The following NCALD variants were observed in gnomAD, a reference collection of about 807,000 sequenced individuals.
NCALD encodes the protein neurocalcin delta.
Under a neutral mutation model 18.6 loss-of-function variants are expected in NCALD, and 10 were observed. The observed-to-expected ratio is 0.54, with a 90% CI of 0.33 to 0.91. NCALD has a LOEUF of 0.91. Among genes scored for constraint, NCALD ranks in the 40% least tolerant of loss-of-function variants. The probability of loss-of-function intolerance (pLI) is 0.03; values close to 1 mark genes in which losing one functional copy is unlikely to be tolerated. For missense variants in NCALD, 184 were observed against 247.6 expected (o/e 0.74, Z 1.72); for synonymous variants, 88 against 87.4 (o/e 1.01, Z -0.04).
chr8:101,768,792 T>C (rs1563749906), intron 1 of NCALD, among the ~76,000 whole-genome samples: 1 of 152,150 alleles, frequency 6.6e-6, no homozygotes, highest in Admixed American at 6.5e-5. Context: ...TAAATTAATT[T>C]ATCTATGATC....
chr8:102,107,761 A>G (rs116265778), intron 1 of NCALD, among the ~76,000 whole-genome samples: 2,635 of 152,316 alleles, frequency 0.017, 103 homozygotes, highest in African/African-American at 0.06. Flanking sequence ...TAAAGAAAGC[A>G]TTCCTGAGAA....
At chr8:101,880,355 G>T (rs1462440172) in intron 4 of NCALD, among the ~76,000 whole-genome samples, 1 of 152,186 alleles carries the variant, frequency 6.6e-6, no homozygotes, top group East Asian at 1.9e-4. Flanking sequence ...ACGATCGCCA[G>T]GTGCAGCAGC....
intron 2 of NCALD, among the ~76,000 whole-genome samples, chr8:101,945,038 C>CAA (rs1819112918): frequency 6.6e-6 from 1 of 152,206 alleles, no homozygotes; most frequent in African/African-American, 2.4e-5. Context: ...CCTATCAGAG[C>CAA]AATGTTCGTG....
intron 2 of NCALD, among the ~76,000 whole-genome samples, chr8:101,982,914 A>G (rs1351219888): frequency 2.0e-5 from 3 of 151,994 alleles, no homozygotes; most frequent in Non-Finnish European, 4.4e-5. Context: ...ATTAGCATAC[A>G]CTGGAAACTG....
At chr8:101,819,803 G>A (rs1813647905) in intron 4 of NCALD, among the ~76,000 whole-genome samples, 1 of 152,194 alleles carries the variant, frequency 6.6e-6, no homozygotes, top group Non-Finnish European at 1.5e-5. Context: ...GGTACAGAGT[G>A]AAGAGGAAAG....
intron 4 of NCALD, among the ~76,000 whole-genome samples, chr8:101,832,642 G>T (rs1182457279): frequency 6.6e-6 from 1 of 152,138 alleles, no homozygotes; most frequent in East Asian, 1.9e-4. Context: ...TGAGAACTAG[G>T]TTATATTTAT....
At chr8:101,921,853 T>G (rs911356051) in intron 2 of NCALD, among the ~76,000 whole-genome samples, 52 of 152,216 alleles carry the variant, frequency 3.4e-4, no homozygotes, top group Non-Finnish European at 6.5e-4. Context: ...GTATGATTTT[T>G]TAACTGAGAA....
intron 4 of NCALD, among the ~76,000 whole-genome samples, chr8:101,841,591 G>A (rs1003370527): frequency 6.6e-6 from 1 of 152,184 alleles, no homozygotes; most frequent in Non-Finnish European, 1.5e-5. Context: ...AAAGGCAGAT[G>A]CAAAATTGCC....
intron 4 of NCALD, among the ~76,000 whole-genome samples, chr8:101,853,855 C>T (rs1815196515): frequency 6.6e-6 from 1 of 152,176 alleles, no homozygotes; most frequent in Admixed American, 6.5e-5. Context: ...TCCATTTACT[C>T]TCCTTTCCAC....
chr8:101,712,587 CAAAAAAAAAAAA>C (rs201729096), intron 2 of NCALD, among the ~76,000 whole-genome samples: 30,797 of 81,184 alleles, frequency 0.38, 3,731 homozygotes, highest in South Asian at 0.5. Flanking sequence ...AAATGGAAAG[CAAAAAAAAAAAA>C]AAAAAAAAAA....
chr8:102,120,504 C>T (rs771205332), intron 1 of NCALD, among the ~76,000 whole-genome samples: 1 of 152,130 alleles, frequency 6.6e-6, no homozygotes, highest in Non-Finnish European at 1.5e-5. Context: ...AGCCATCCTA[C>T]AACGAGATGG....
intron 2 of NCALD, among the ~76,000 whole-genome samples, chr8:101,995,929 TATAG>T (rs1354388384): frequency 6.6e-6 from 1 of 152,202 alleles, no homozygotes; most frequent in East Asian, 1.9e-4. Context: ...CTGCAAACTC[TATAG>T]ATATTCTTCC....
At chr8:101,839,770 T>C (rs1814564279) in intron 4 of NCALD, among the ~76,000 whole-genome samples, 1 of 151,956 alleles carries the variant, frequency 6.6e-6, no homozygotes, top group African/African-American at 2.4e-5. Context: ...GCCTTCCTTA[T>C]GTCAATCATG....
At chr8:101,934,315 G>C (rs1388593470) in intron 2 of NCALD, among the ~76,000 whole-genome samples, 1 of 152,096 alleles carries the variant, frequency 6.6e-6, no homozygotes, top group Non-Finnish European at 1.5e-5. Flanking sequence ...ATAGCTAAAT[G>C]GGTTTTGAAA....
chr8:101,926,106 A>G lies in NCALD; in HGVS notation c.-156-10248T>C, dbSNP rs560683761. ...TGACCACAGGGGAGAGCCCCAGCCC[A>G]CTGCAGTCTGTCTGATTCTCCCTCC... On this transcript the variant is annotated intron_variant, in intron 2 of 6. Transcript: ENST00000311028. 3.9e-5 allele frequency among the ~76,000 whole-genome samples: 6 copies of G among 152,280 alleles called. No individual in the cohort carries two copies. In the East Asian group the frequency reaches 9.6e-4, roughly 24 times the overall value.
rs560319962 is a variant in NCALD, at chr8:101,814,621, C to T, written c.-20+72520G>A. 7.3e-5 allele frequency among the ~76,000 whole-genome samples: 11 copies of T among 151,718 alleles called. No individual in the cohort carries two copies. The South Asian group carries it at 1.5e-3, about 20-fold the overall frequency. Reference sequence around the variant, plus strand: ...CATTTGCAACATCATACTGGAATGACGCAATAAGAAAAAGAAACAAAAGGT... The same window carrying T: ...CATTTGCAACATCATACTGGAATGATGCAATAAGAAAAAGAAACAAAAGGT... On this transcript the variant is annotated intron_variant, in intron 4 of 6. Transcript: ENST00000311028.
chr8:101,770,748 G>C (rs1811550633), intron 1 of NCALD, among the ~76,000 whole-genome samples: 1 of 152,120 alleles, frequency 6.6e-6, no homozygotes, highest in Admixed American at 6.5e-5. Flanking sequence ...CAAAAGTCAT[G>C]ATTTCAAATG....
chr8:101,711,081 T>C (rs1226401993), intron 2 of NCALD, among the ~76,000 whole-genome samples: 2 of 152,168 alleles, frequency 1.3e-5, no homozygotes, highest in East Asian at 3.9e-4. Context: ...CAGGCAGCAA[T>C]TTTTGCTATT....
chr8:101,900,278 A>T (rs1186704276), intron 3 of NCALD, among the ~76,000 whole-genome samples: 1 of 151,782 alleles, frequency 6.6e-6, no homozygotes, highest in Non-Finnish European at 1.5e-5. Flanking sequence ...AAGGTTTATC[A>T]ATTTTCTTTT....
Sources: gnomAD v4.1 joint callset for allele counts (sites outside exome capture counted in the v4.1 genomes callset) on GRCh38, gnomAD v4.1.1 for gene constraint, MANE v1.5 for transcripts, NCBI Gene and HGNC (gene_info 2026-07-23, HGNC 2026-07-21) for gene names.